CGB7: variants seen among roughly 807,000 people sequenced by gnomAD.
CGB7 encodes choriogonadotropin subunit beta 7.
CGB7 carries 6 observed loss-of-function variants against 7.3 expected under a neutral mutation model. The ratio of observed to expected loss-of-function variants is 0.82; its 90% CI spans 0.45 to 1.62. CGB7 has a LOEUF of 1.62. CGB7 is among the 40% of genes most tolerant of loss of function. The pLI, the probability that CGB7 is intolerant of heterozygous loss-of-function variation, is 0.01. For missense variants in CGB7, 114 were observed against 236.2 expected (o/e 0.48, Z 3.39); for synonymous variants, 47 against 100.8 (o/e 0.47, Z 3.20).
Position 49,055,564 on chromosome 19 carries a change from T to A in CGB7, c.-189A>T, listed in dbSNP as rs2040049170. Reference sequence around the variant, plus strand: ...CACCCCAGTCCTCTCCCCTCAGTGGTCTAGCGCCAAGGATGAGGCGGAGAC... The same window carrying A: ...CACCCCAGTCCTCTCCCCTCAGTGGACTAGCGCCAAGGATGAGGCGGAGAC... On this transcript the variant is annotated 5_prime_UTR_variant, in exon 3 of 5. Transcript: ENST00000684222. 1.2e-5 allele frequency: 18 copies of A among 1,523,708 alleles called. No individual in the cohort carries two copies. Among genetic ancestry groups the A allele is most frequent in the Non-Finnish European group, 1.6e-5 (18 of 1,136,052 alleles). The allele number at this position is 1,523,708 out of a possible 1,614,324, so 94.4% of individuals were successfully genotyped here.
In CGB7 at chr19:49,056,050, G is replaced by A. The variant is rs1391224928; in HGVS notation, c.-675C>T. 1.7e-6 allele frequency: 2 copies of A among 1,170,062 alleles called. No individual in the cohort carries two copies. The highest frequency in any genetic ancestry group is 2.1e-6 in the Non-Finnish European group (2 of 931,214). 72.5% of individuals were successfully genotyped at this position (1,170,062 alleles called of 1,614,324 possible). ...CGCAGGAGGTGTGTCCTGCCCGCGGGGCCGCAGCCTCGGAGGACATTGTCT... is the reference window on the plus strand; with the variant it reads ...CGCAGGAGGTGTGTCCTGCCCGCGGAGCCGCAGCCTCGGAGGACATTGTCT... On this transcript the variant is annotated 5_prime_UTR_variant, in exon 3 of 5. Coordinates refer to ENST00000684222, the MANE Select transcript of CGB7 (RefSeq NM_001385261.1).
intron 2 of CGB7, 148 bp from the exon 3 acceptor site, chr19:49,056,743 T>G: frequency 1.4e-6 from 1 of 712,178 alleles, no homozygotes; most frequent in Non-Finnish European, 2.0e-6. Context: ...ACGCGTTGCC[T>G]GCGTTCCTGG....
At chr19:49,057,047 G>C in intron 2 of CGB7, 74 bp downstream of exon 2, 2 of 1,470,916 alleles carry the variant, frequency 1.4e-6, no homozygotes, top group Admixed American at 4.0e-5. Flanking sequence ...ATGGGAGCCA[G>C]CCCAGGGGCT....
In CGB7 at chr19:49,056,447, G is replaced by C. The variant is rs989745553; in HGVS notation, c.-1072C>G. On this transcript the variant is annotated 5_prime_UTR_variant, in exon 3 of 5. Coordinates refer to ENST00000684222, the MANE Select transcript of CGB7 (RefSeq NM_001385261.1). ...CGAGGAGCTGTAGGTTTCCTGAGCCGGAGACATGGCCCGCCGTGCGGCGCT... is the reference window on the plus strand; with the variant it reads ...CGAGGAGCTGTAGGTTTCCTGAGCCCGAGACATGGCCCGCCGTGCGGCGCT... 3.1e-6 allele frequency: 4 copies of C among 1,298,700 alleles called. No homozygotes were observed. The highest frequency in any genetic ancestry group is 4.0e-6 in the Non-Finnish European group (4 of 994,856). The allele number at this position is 1,298,700 out of a possible 1,614,324, so 80.4% of individuals were successfully genotyped here.
Position 49,057,485 on chromosome 19 carries a change from C to A in CGB7, c.-1372G>T. ...ACCTCCCTAAATCCAAGCCCTCCTG[C>A]TGGTCAAGGAACTCAAATGCAGGCC... On this transcript the variant is annotated 5_prime_UTR_variant, in exon 1 of 5. Transcript: ENST00000684222. The A allele has an allele frequency of 7.9e-7, 1 of 1,270,624 alleles. No individual in the cohort carries two copies. The allele number at this position is 1,270,624 out of a possible 1,614,324, so 78.7% of individuals were successfully genotyped here. A position where few individuals can be genotyped will look rare whatever the true frequency, so the allele number is the denominator to read the frequency against.
intron 3 of CGB7, 53 bp downstream of exon 3, chr19:49,055,308 C>G: frequency 6.2e-7 from 1 of 1,608,812 alleles, no homozygotes; most frequent in South Asian, 1.1e-5. Flanking sequence ...CCTTCTCATG[C>G]CAGTGATGGC....
rs2040057682 is a variant in CGB7 at position 49,056,093 on chromosome 19, C to T, written c.-718G>A. 3 of 1,181,694 alleles carry T rather than the reference C, an allele frequency of 2.5e-6. No individual in the cohort carries two copies. The highest frequency in any genetic ancestry group is 3.2e-5 in the South Asian group (2 of 62,592). The allele number at this position is 1,181,694 out of a possible 1,614,324, so 73.2% of individuals were successfully genotyped here. On this transcript the variant is annotated 5_prime_UTR_variant, in exon 3 of 5. Transcript: ENST00000684222. ...CATTGTCTGGACTTAGTCCCTTCCC[C>T]GCGATCCAGCCGCAGCTGAGTGGGC...
At chr19:49,055,059 CT>C (rs777900448) in intron 3 of CGB7, 51 bp from the exon 4 acceptor site, 46 of 1,600,836 alleles carry the variant, frequency 2.9e-5, no homozygotes, top group African/African-American at 4.0e-5. Context: ...GCCCTGAGCC[CT>C]GGCCTTCCCA....
At position 49,055,626 on chromosome 19, in the gene CGB7, G is replaced by T. The variant is rs2040050239; in HGVS notation, c.-251C>A. On this transcript the variant is annotated 5_prime_UTR_variant, in exon 3 of 5. Coordinates refer to ENST00000684222, the MANE Select transcript of CGB7 (RefSeq NM_001385261.1). ...GACCTCTGAGACTCAGTCGTCGAGT[G>T]CTAGGGACTAGTCGAGGCTGGAGGC... 4.9e-6 allele frequency: 7 copies of T among 1,432,014 alleles called. No homozygotes were observed. Among genetic ancestry groups the T allele is most frequent in the Non-Finnish European group, 6.4e-6 (7 of 1,093,948 alleles). The allele number at this position is 1,432,014 out of a possible 1,614,324, so 88.7% of individuals were successfully genotyped here.
rs557586141 is a variant in CGB7 at position 49,054,703 on chromosome 19, A to G, written c.184-98T>C. 3.3e-3 allele frequency: 4,011 copies of G among 1,211,350 alleles called. 37 individuals carry two copies. Among genetic ancestry groups the G allele is most frequent in the African/African-American group, 0.021 (1,300 of 60,896 alleles). 75.0% of individuals were successfully genotyped at this position (1,211,350 alleles called of 1,614,324 possible). ...CCACAGGTCTCAGACTCAGGGGTCC[A>G]GGAAGCCCTCTGTTCCTGCCCTCCC... On this transcript the variant is annotated intron_variant, in intron 4 of 4. Transcript: ENST00000684222.
Position 49,055,503 on chromosome 19 carries a change from A to G in CGB7, c.-128T>C, listed in dbSNP as rs2040047783. 1.9e-6 allele frequency: 3 copies of G among 1,600,090 alleles called. No homozygotes were observed. In the South Asian group the frequency reaches 3.4e-5, roughly 18 times the overall value. On this transcript the variant is annotated 5_prime_UTR_variant, in exon 3 of 5. Transcript: ENST00000684222. Reference sequence around the variant, plus strand: ...TAACCCTTCGGGGGGCGAGAAGTAGACAAGGCCAGGGAGGCACAGGAGTGG... The same window carrying G: ...TAACCCTTCGGGGGGCGAGAAGTAGGCAAGGCCAGGGAGGCACAGGAGTGG...
Position 49,055,999 on chromosome 19 carries a change from T to C in CGB7, c.-624A>G. 3.6e-6 allele frequency: 4 copies of C among 1,120,644 alleles called. No individual in the cohort carries two copies. The highest frequency in any genetic ancestry group is 4.4e-6 in the Non-Finnish European group (4 of 906,132). 69.4% of individuals were successfully genotyped at this position (1,120,644 alleles called of 1,614,324 possible). On this transcript the variant is annotated 5_prime_UTR_variant, in exon 3 of 5. Transcript: ENST00000684222. ...TCCCCGGAAATGCGTGTGCTTCAGG[T>C]GATTTAACTGATTATTGAATAGGCC...
chr19:49,055,435 A>G lies in CGB7; in HGVS notation c.-60T>C. ...TATACCTCGGGTTTGTGGGGGCGTC[A>G]AGGCCACCAGGAGGTTGTAGGATGC... On this transcript the variant is annotated 5_prime_UTR_variant, in exon 3 of 5. Coordinates refer to ENST00000684222, the MANE Select transcript of CGB7 (RefSeq NM_001385261.1). The G allele has an allele frequency of 6.2e-7, 1 of 1,605,812 alleles. No individual in the cohort carries two copies. Among genetic ancestry groups the G allele is most frequent in the Non-Finnish European group, 8.5e-7 (1 of 1,175,736 alleles).
rs747289523 is a variant in CGB7, at chr19:49,055,375, TC to T, written c.-1del. The T allele has an allele frequency of 1.4e-5, 23 of 1,613,402 alleles. No homozygotes were observed. The South Asian group carries it at 2.4e-4, about 17-fold the overall frequency. The stretch of plus-strand genomic sequence containing the variant: ...TGCAGTCTTACCTGGAACATCTCCA[TC>T]CTTGGTGCGTCCCCTGCCTGGTGTA... On this transcript the variant is annotated 5_prime_UTR_variant, in exon 3 of 5. Transcript: ENST00000684222.
Position 49,056,269 on chromosome 19 carries a change from T to G in CGB7, c.-894A>C, listed in dbSNP as rs952575983. ...CTGGGGTGGGGCTGGCCCGGCAGGC[T>G]CCCACTAGCCCCGGCTTACAGCGGC... On this transcript the variant is annotated 5_prime_UTR_variant, in exon 3 of 5. Coordinates refer to ENST00000684222, the MANE Select transcript of CGB7 (RefSeq NM_001385261.1). The G allele has an allele frequency of 6.2e-6, 8 of 1,290,292 alleles. No individual in the cohort carries two copies. Among genetic ancestry groups the G allele is most frequent in the African/African-American group, 1.5e-5 (1 of 65,630 alleles). The allele number at this position is 1,290,292 out of a possible 1,614,324, so 79.9% of individuals were successfully genotyped here.
At position 49,057,494 on chromosome 19, in the gene CGB7, G is replaced by T. The variant is rs891785916; in HGVS notation, c.-1381C>A. On this transcript the variant is annotated 5_prime_UTR_variant, in exon 1 of 5. Transcript: ENST00000684222. ...AATCCAAGCCCTCCTGCTGGTCAAG[G>T]AACTCAAATGCAGGCCCCCAGCCAC... 2 of 1,252,106 alleles carry T rather than the reference G, an allele frequency of 1.6e-6. No individual in the cohort carries two copies. The highest frequency in any genetic ancestry group is 8.7e-5 in the East Asian group (2 of 22,860). 77.6% of individuals were successfully genotyped at this position (1,252,106 alleles called of 1,614,324 possible).
At position 49,055,875 on chromosome 19, in the gene CGB7, T is replaced by C. The variant is rs1380380997; in HGVS notation, c.-500A>G. The C allele has an allele frequency of 5.5e-6, 6 of 1,083,942 alleles. No individual in the cohort carries two copies. The highest frequency in any genetic ancestry group is 3.3e-5 in the African/African-American group (2 of 60,064). The allele number at this position is 1,083,942 out of a possible 1,614,324, so 67.1% of individuals were successfully genotyped here. On this transcript the variant is annotated 5_prime_UTR_variant, in exon 3 of 5. Transcript: ENST00000684222. ...GTGACTGTGCTGCCAGGGAAGCCAC[T>C]TGACCCAGATGCCCCCCAACGAGGG... is the stretch of plus-strand genomic sequence containing the variant.
At chr19:49,057,035 G>T (rs144517854) in intron 2 of CGB7, 86 bp downstream of exon 2, 2 of 1,398,302 alleles carry the variant, frequency 1.4e-6, no homozygotes, top group East Asian at 2.5e-5. Context: ...ACCGGTCAGG[G>T]AATGGGAGCC....
Position 49,055,552 on chromosome 19 carries a change from TC to T in CGB7, c.-178del. On this transcript the variant is annotated 5_prime_UTR_variant, in exon 3 of 5. Transcript: ENST00000684222. ...GGCTCAGCGGAGCACCCCAGTCCTC[TC>T]CCCTCAGTGGTCTAGCGCCAAGGAT... is the stretch of plus-strand genomic sequence containing the variant. 4.5e-6 allele frequency: 7 copies of T among 1,544,266 alleles called. No individual in the cohort carries two copies.
Sources: gnomAD v4.1 joint callset for allele counts on GRCh38, gnomAD v4.1.1 for gene constraint, MANE v1.5 for transcripts, NCBI Gene and HGNC (gene_info 2026-07-23, HGNC 2026-07-21) for gene names.